COL6A1: variants seen among roughly 807,000 people sequenced by gnomAD.
COL6A1 encodes collagen alpha-1(VI) chain.
Under a neutral mutation model 145.6 loss-of-function variants are expected in COL6A1, and 80 were observed. The observed-to-expected ratio is 0.55, with a 90% CI of 0.46 to 0.66. The LOEUF (loss-of-function observed/expected upper bound fraction) is 0.66. Ranked by LOEUF, COL6A1 falls within the 30% of genes least tolerant of loss-of-function variation. COL6A1 has a pLI of 0.00. For missense variants in COL6A1, 1,364 were observed against 1,473.8 expected (o/e 0.93, Z 1.22); for synonymous variants, 638 against 622.8 (o/e 1.02, Z -0.36).
intron 9 of COL6A1, 40 bp from the exon 10 acceptor site, chr21:45,989,568 C>G (rs1249367996): frequency 6.2e-7 from 1 of 1,604,800 alleles, no homozygotes; most frequent in Non-Finnish European, 8.5e-7. Context: ...CCTGCCCCTG[C>G]TCCTCCGGGG....
chr21:45,987,734 C>T (rs2077748130), intron 8 of COL6A1, 80 bp downstream of exon 8: 1 of 1,481,616 alleles, frequency 6.7e-7, no homozygotes. Flanking sequence ...CCTGGGCACC[C>T]AAGTCCACCA....
chr21:46,001,435 C>T, intron 30 of COL6A1, 49 bp downstream of exon 30: 2 of 1,599,308 alleles, frequency 1.3e-6, no homozygotes, highest in Non-Finnish European at 1.7e-6. Context: ...GCACCCCGAC[C>T]CTGCCGGCCG....
Position 46,003,386 on chromosome 21 carries a change from C to G in COL6A1, c.2465-5C>G. ...ATGCTAACGGCTGCCCACCCCGCCC[C>G]GCAGTCACGTTCTCCTCCCCGGCTG... On this transcript the variant is annotated splice_region_variant and splice_polypyrimidine_tract_variant and intron_variant, in intron 34 of 34. Coordinates refer to ENST00000361866, the MANE Select transcript of COL6A1 (RefSeq NM_001848.3). 1 of 1,600,178 alleles carries G rather than the reference C, an allele frequency of 6.2e-7. No homozygotes were observed. The highest frequency in any genetic ancestry group is 8.5e-7 in the Non-Finnish European group (1 of 1,179,714).
rs1026781138 is a variant in COL6A1 at position 45,990,245 on chromosome 21, C to T, written c.931-13C>T. ...CCCAAATACCCCCTCACACCCGCTT[C>T]CTGTCTCCGCAGGGCTCCAGGGGAC... On this transcript the variant is annotated splice_polypyrimidine_tract_variant and intron_variant, in intron 11 of 34. Coordinates refer to ENST00000361866, the MANE Select transcript of COL6A1 (RefSeq NM_001848.3). 4 of 1,604,700 alleles carry T rather than the reference C, an allele frequency of 2.5e-6. No homozygotes were observed. In the Admixed American group the frequency reaches 6.7e-5, roughly 27 times the overall value.
At chr21:45,997,204 C>T (rs952809500) in intron 20 of COL6A1, among the ~76,000 whole-genome samples, 5 of 151,532 alleles carry the variant, frequency 3.3e-5, no homozygotes, top group Non-Finnish European at 5.9e-5. Flanking sequence ...ACCAGCTGGG[C>T]GCCCACCGAA....
rs759792085 is a variant in COL6A1 at position 46,003,498 on chromosome 21, C to T, written c.2572C>T (p.Arg858Cys). 9.3e-6 allele frequency: 15 copies of T among 1,610,872 alleles called. No individual in the cohort carries two copies. The highest frequency in any genetic ancestry group is 5.0e-5 in the Admixed American group (3 of 59,946). The change falls in exon 35 of 35, where the codon CGC becomes TGC. Residue 858 changes from arginine to cysteine, a missense_variant. Coordinates refer to ENST00000361866, the MANE Select transcript of COL6A1 (RefSeq NM_001848.3). ...GCGCTTCGCCAAGCGCCTGGCCGAGCGCTTCCTCACAGCGGGCAGGACGGA... is the reference window on the plus strand; with the variant it reads ...GCGCTTCGCCAAGCGCCTGGCCGAGTGCTTCCTCACAGCGGGCAGGACGGA... ...TKRFAKRLAERFLTAGRTDPA... is the reference protein window; with the variant it reads ...TKRFAKRLAECFLTAGRTDPA...
At chr21:46,000,130 C>T (rs1015570230) in intron 27 of COL6A1, among the ~76,000 whole-genome samples, 10 of 148,200 alleles carry the variant, frequency 6.7e-5, no homozygotes, top group South Asian at 2.2e-4. Flanking sequence ...CCCATGACTG[C>T]GCTGTTTCTA....
chr21:45,983,938 C>T (rs951994639), intron 2 of COL6A1, among the ~76,000 whole-genome samples: 4 of 152,176 alleles, frequency 2.6e-5, no homozygotes, highest in Non-Finnish European at 2.9e-5. Context: ...CAGAGGGCAG[C>T]GAGGGGGCTG....
In COL6A1 at chr21:45,992,384, G is replaced by A. The variant is rs769477854; in HGVS notation, c.1258G>A (p.Ala420Thr). ...GDEGNPGPDG[A>T]PGERGGPGER... Reference sequence around the variant, plus strand: ...CCAGGGGAACCCAGGACCTGACGGTGCCCCCGGGGAGCGGGTGAGTGGGGC... The same window carrying A: ...CCAGGGGAACCCAGGACCTGACGGTACCCCCGGGGAGCGGGTGAGTGGGGC... The change falls in exon 18 of 35, where the codon GCC (alanine) becomes ACC (threonine). Residue 420 changes from alanine (A) to threonine (T), a missense_variant. Transcript: ENST00000361866. The A allele has an allele frequency of 6.2e-7, 1 of 1,613,470 alleles. No individual in the cohort carries two copies. Among genetic ancestry groups the A allele is most frequent in the South Asian group, 1.1e-5 (1 of 91,048 alleles).
intron 27 of COL6A1, 33 bp downstream of exon 27, chr21:45,999,725 G>A (rs2077827412): frequency 4.4e-6 from 7 of 1,593,390 alleles, no homozygotes; most frequent in South Asian, 1.1e-5. Flanking sequence ...TGCTGGGGGC[G>A]ACCACTGTAG....
At chr21:45,993,502 GC>G (rs2077788154) in intron 19 of COL6A1, among the ~76,000 whole-genome samples, 1 of 152,226 alleles carries the variant, frequency 6.6e-6, no homozygotes, top group Admixed American at 6.5e-5. Context: ...CAGAGGCAGC[GC>G]CCCCGGGTGC....
chr21:45,991,148 C>T lies in COL6A1; in HGVS notation c.1119+107C>T, dbSNP rs548609837. The T allele has an allele frequency of 6.7e-5, 86 of 1,276,780 alleles. 1 individual carries two copies. Among genetic ancestry groups the T allele is most frequent in the Admixed American group, 3.4e-4 (18 of 53,716 alleles). The allele number at this position is 1,276,780 out of a possible 1,614,324, so 79.1% of individuals were successfully genotyped here. A position where few individuals can be genotyped will look rare whatever the true frequency, so the allele number is the denominator to read the frequency against. On this transcript the variant is annotated intron_variant, in intron 15 of 34. Coordinates refer to ENST00000361866, the MANE Select transcript of COL6A1 (RefSeq NM_001848.3). ...TCCTGGTCCGAGCATGTCGGCCACC[C>T]GTGCGGCCTCAGAGGGGAGGAGCTG...
Position 45,986,965 on chromosome 21 carries a change from G to T in COL6A1, c.610G>T (p.Ala204Ser). The change falls in exon 5 of 35, where the codon GCC (alanine) becomes TCC (serine). Residue 204 changes from alanine (A) to serine (S), a missense_variant. This residue lies in a region of COL6A1 where 414 missense variants were observed against 437.6 expected (regional missense o/e 0.95). Transcript: ENST00000361866. ...DHLEPRLSII[A>S]TDHTYRRNFT... Reference sequence around the variant, plus strand: ...CCAGGAGCCGCGTCTGAGCATCATCGCCACGGACCACACGTACCGGCGCAA... The same window carrying T: ...CCAGGAGCCGCGTCTGAGCATCATCTCCACGGACCACACGTACCGGCGCAA... 1 of 1,552,002 alleles carries T rather than the reference G, an allele frequency of 6.4e-7. No individual in the cohort carries two copies.
rs769559126 is a variant in COL6A1 at position 46,003,387 on chromosome 21, G to T, written c.2465-4G>T. On this transcript the variant is annotated splice_region_variant and splice_polypyrimidine_tract_variant and intron_variant, in intron 34 of 34. Coordinates refer to ENST00000361866, the MANE Select transcript of COL6A1 (RefSeq NM_001848.3). ...TGCTAACGGCTGCCCACCCCGCCCC[G>T]CAGTCACGTTCTCCTCCCCGGCTGA... is the stretch of plus-strand genomic sequence containing the variant. The T allele has an allele frequency of 1.2e-6, 2 of 1,600,050 alleles. No homozygotes were observed. Among genetic ancestry groups the T allele is most frequent in the Admixed American group, 1.7e-5 (1 of 60,010 alleles).
intron 8 of COL6A1, among the ~76,000 whole-genome samples, chr21:45,988,632 T>C (rs1430706460): frequency 2.0e-5 from 3 of 152,142 alleles, no homozygotes; most frequent in Admixed American, 2.0e-4. Flanking sequence ...GGTGAGAATG[T>C]GGGTCCCCTG....
intron 1 of COL6A1, among the ~76,000 whole-genome samples, 163 bp downstream of exon 1, chr21:45,982,110 C>T (rs1348244307): frequency 6.6e-6 from 1 of 152,170 alleles, no homozygotes; most frequent in Admixed American, 6.5e-5. Flanking sequence ...CAGCTCTGCC[C>T]CACCGGGCCT....
rs771446601 is a variant in COL6A1, at chr21:46,003,494, C to G, written c.2568C>G (p.Ala856=). 2.5e-6 allele frequency: 4 copies of G among 1,610,780 alleles called. No homozygotes were observed. The highest frequency in any genetic ancestry group is 1.7e-4 in the Middle Eastern group (1 of 6,060). ...DTTKRFAKRL[A]ERFLTAGRTD... Reference sequence around the variant, plus strand: ...CCAAGCGCTTCGCCAAGCGCCTGGCCGAGCGCTTCCTCACAGCGGGCAGGA... The same window carrying G: ...CCAAGCGCTTCGCCAAGCGCCTGGCGGAGCGCTTCCTCACAGCGGGCAGGA... The change falls in exon 35 of 35, where the codon GCC becomes GCG. Residue 856 remains alanine, a synonymous_variant. Coordinates refer to ENST00000361866, the MANE Select transcript of COL6A1 (RefSeq NM_001848.3).
At position 45,990,169 on chromosome 21, in the gene COL6A1, C is replaced by G. The variant is rs538438545; in HGVS notation, c.931-89C>G. 218 of 1,521,202 alleles carry G rather than the reference C, an allele frequency of 1.4e-4. 5 individuals are homozygous for G. In the South Asian group the frequency reaches 2.2e-3, roughly 16 times the overall value. The allele number at this position is 1,521,202 out of a possible 1,614,324, so 94.2% of individuals were successfully genotyped here. A position where few individuals can be genotyped will look rare whatever the true frequency, so the allele number is the denominator to read the frequency against. On this transcript the variant is annotated intron_variant, in intron 11 of 34. Transcript: ENST00000361866. ...GTTGTCCCCTCGGGTTGGGGGCACC[C>G]AAGCCCCTGCCTCGCGTGGGCCTAA...
At chr21:45,991,071 G>C in intron 15 of COL6A1, 30 bp downstream of exon 15, 1 of 1,611,424 alleles carries the variant, frequency 6.2e-7, no homozygotes, top group Non-Finnish European at 8.5e-7. Flanking sequence ...TGGAGGACCA[G>C]GGCCTTCACG....
Sources: allele counts gnomAD v4.1 joint callset (sites outside exome capture counted in the v4.1 genomes callset), GRCh38; gene constraint gnomAD v4.1.1; regional missense constraint gnomAD v4.1.1; transcripts MANE v1.5; gene names NCBI Gene and HGNC (gene_info 2026-07-23, HGNC 2026-07-21).